The following PGM5 variants were observed in gnomAD, a reference collection of about 807,000 sequenced individuals.
PGM5 encodes phosphoglucomutase 5, also known as phosphoglucomutase-like protein 5.
PGM5 carries 23 observed loss-of-function variants against 59.2 expected under a neutral mutation model. The ratio of observed to expected loss-of-function variants is 0.39; its 90% CI spans 0.28 to 0.55. The LOEUF is 0.55. Among genes scored for constraint, PGM5 ranks in the 20% least tolerant of loss-of-function variants. PGM5 has a pLI of 0.66. For synonymous variants in PGM5, 214 were observed against 286.0 expected (o/e 0.75, Z 2.54); for missense variants, 574 against 748.3 (o/e 0.77, Z 2.72).
intron 6 of PGM5, among the ~76,000 whole-genome samples, chr9:68,410,087 G>A (rs1299618279): frequency 2.6e-5 from 4 of 152,204 alleles, no homozygotes; most frequent in Non-Finnish European, 5.9e-5. Context: ...TTGTCCTCAG[G>A]GTTCCAGGCA....
chr9:68,439,058 C>T (rs1388930902), intron 6 of PGM5, among the ~76,000 whole-genome samples: 1 of 151,984 alleles, frequency 6.6e-6, no homozygotes, highest in African/African-American at 2.4e-5. Flanking sequence ...CTCATTAACC[C>T]CATTTCTTTC....
chr9:68,480,254 C>A (rs1824175205), intron 8 of PGM5, among the ~76,000 whole-genome samples: 1 of 152,182 alleles, frequency 6.6e-6, no homozygotes, highest in South Asian at 2.1e-4. Flanking sequence ...GACACAGAAG[C>A]TGTGACAGGT....
intron 6 of PGM5, among the ~76,000 whole-genome samples, chr9:68,442,380 G>A (rs1479913220): frequency 6.6e-6 from 1 of 152,140 alleles, no homozygotes; most frequent in African/African-American, 2.4e-5. Flanking sequence ...CACCTCCCAG[G>A]TTCAAGTGAT....
intron 2 of PGM5, among the ~76,000 whole-genome samples, chr9:68,382,657 A>G (rs1430714748): frequency 5.3e-5 from 8 of 151,710 alleles, no homozygotes; most frequent in South Asian, 2.1e-4. Context: ...CCTTTAAAAA[A>G]CAATTATTTT....
chr9:68,519,205 A>T (rs1339460463), intron 10 of PGM5, among the ~76,000 whole-genome samples: 1 of 152,216 alleles, frequency 6.6e-6, no homozygotes, highest in Admixed American at 6.5e-5. Context: ...GGAAGAAGGA[A>T]AATTATCCCA....
At chr9:68,357,800 A>G in intron 1 of PGM5, 2 of 248,520 alleles carry the variant, frequency 8.0e-6, no homozygotes, top group Non-Finnish European at 7.9e-6. Flanking sequence ...GTCCCCACAC[A>G]AACTTCTTTC....
chr9:68,383,719 C>A, intron 2 of PGM5, among the ~76,000 whole-genome samples: 1 of 116,686 alleles, frequency 8.6e-6, no homozygotes, highest in Non-Finnish European at 1.8e-5. Context: ...TCTGAAATGG[C>A]TTGCATTAAG....
chr9:68,432,149 A>G (rs1031515679), intron 6 of PGM5, among the ~76,000 whole-genome samples: 3 of 151,958 alleles, frequency 2.0e-5, no homozygotes, highest in Non-Finnish European at 1.5e-5. Flanking sequence ...TTGTATGTGC[A>G]TACATCCCCA....
intron 7 of PGM5, among the ~76,000 whole-genome samples, chr9:68,477,221 C>T (rs1319092449): frequency 1.3e-5 from 2 of 152,174 alleles, no homozygotes; most frequent in Admixed American, 1.3e-4. Context: ...TCCAACAGTG[C>T]CATTAGCAGA....
At chr9:68,500,177 GA>G (rs1404984934) in intron 10 of PGM5, among the ~76,000 whole-genome samples, 1 of 152,162 alleles carries the variant, frequency 6.6e-6, no homozygotes, top group Non-Finnish European at 1.5e-5. Flanking sequence ...TAGAGAAACA[GA>G]GAAATACTCA....
Position 68,492,917 on chromosome 9 carries a change from G to C in PGM5, c.1480-6310G>C, listed in dbSNP as rs150299986. Among the ~76,000 whole-genome samples, 330 of 152,248 alleles carry C rather than the reference G, an allele frequency of 2.2e-3. 1 individual carries two copies. The highest frequency in any genetic ancestry group is 7.4e-3 in the African/African-American group (307 of 41,544). On this transcript the variant is annotated intron_variant, in intron 9 of 10. Transcript: ENST00000396396. ...TACGAAGCAGTATCTTCACCTTGAC[G>C]CTTTCCAGATAAATCGTTGTGATTT...
chr9:68,505,840 C>T (rs1177324293), intron 10 of PGM5, among the ~76,000 whole-genome samples: 2 of 152,142 alleles, frequency 1.3e-5, no homozygotes, highest in Non-Finnish European at 1.5e-5. Flanking sequence ...GCCCTGCTCC[C>T]CTCCCTATAG....
At position 68,445,943 on chromosome 9, in the gene PGM5, C is replaced by G. The variant is rs1445374450; in HGVS notation, c.1044-19150C>G. Among the ~76,000 whole-genome samples, 29 of 152,218 alleles carry G rather than the reference C, an allele frequency of 1.9e-4. 1 individual carries two copies. Among genetic ancestry groups the G allele is most frequent in the Admixed American group, 1.4e-3 (21 of 15,286 alleles). On this transcript the variant is annotated intron_variant, in intron 6 of 10. Coordinates refer to ENST00000396396, the MANE Select transcript of PGM5 (RefSeq NM_021965.4). ...CAGTTTCGCATCAAGGTGTTCCTTACAGACATGTGGTTTACAAATGGTGAA... is the reference window on the plus strand; with the variant it reads ...CAGTTTCGCATCAAGGTGTTCCTTAGAGACATGTGGTTTACAAATGGTGAA...
intron 10 of PGM5, among the ~76,000 whole-genome samples, chr9:68,510,431 T>G (rs535233998): frequency 2.6e-5 from 4 of 152,218 alleles, no homozygotes; most frequent in East Asian, 3.9e-4. Flanking sequence ...GATTACAGGC[T>G]TGAGCCACCG....
chr9:68,490,038 T>C (rs1367710442), intron 9 of PGM5, among the ~76,000 whole-genome samples: 1 of 152,252 alleles, frequency 6.6e-6, no homozygotes, highest in African/African-American at 2.4e-5. Flanking sequence ...CAGTTTTCTT[T>C]TAGCGTTGTT....
rs180982807 is a variant in PGM5 at position 68,443,159 on chromosome 9, G to A, written c.1044-21934G>A. 6.7e-3 allele frequency among the ~76,000 whole-genome samples: 1,019 copies of A among 152,302 alleles called. 12 individuals carry two copies. The highest frequency in any genetic ancestry group is 9.2e-3 in the Non-Finnish European group (626 of 68,022). ...CTTCAACAGGTGAATAATAAACTGT[G>A]ATATTTCTATACAATGGAATACTAC... On this transcript the variant is annotated intron_variant, in intron 6 of 10. Transcript: ENST00000396396.
chr9:68,428,867 ACT>A (rs1199981627), intron 6 of PGM5: 1 of 152,160 alleles, frequency 6.6e-6, no homozygotes, highest in Non-Finnish European at 1.5e-5. Flanking sequence ...GCTCCTTATA[ACT>A]CTGATTTCAT....
chr9:68,374,097 C>T (rs1485939122), intron 1 of PGM5, among the ~76,000 whole-genome samples: 1 of 152,298 alleles, frequency 6.6e-6, no homozygotes, highest in Non-Finnish European at 1.5e-5. Flanking sequence ...TGACTCTGTG[C>T]TATGGAAGGG....
At chr9:68,496,321 A>G (rs930020066) in intron 9 of PGM5, among the ~76,000 whole-genome samples, 1 of 152,236 alleles carries the variant, frequency 6.6e-6, no homozygotes, top group Non-Finnish European at 1.5e-5. Flanking sequence ...AAGCAATCCA[A>G]TACAGCTATT....
Sources: allele counts gnomAD v4.1 joint callset (sites outside exome capture counted in the v4.1 genomes callset), GRCh38; gene constraint gnomAD v4.1.1; transcripts MANE v1.5; gene names NCBI Gene and HGNC (gene_info 2026-07-23, HGNC 2026-07-21).